ANGPT1: variants seen among roughly 807,000 people sequenced by gnomAD.
ANGPT1 encodes the protein angiopoietin 1, also known as angiopoietin-1.
Under a neutral mutation model 62.2 loss-of-function variants are expected in ANGPT1, and 17 were observed. The observed-to-expected ratio is 0.27, with a 90% CI of 0.19 to 0.41. ANGPT1 has a LOEUF of 0.41. ANGPT1 is among the 10% of genes least tolerant of loss of function. ANGPT1 has a pLI of 1.00. For missense variants in ANGPT1, 478 were observed against 594.9 expected (o/e 0.80, Z 2.04); for synonymous variants, 199 against 198.9 (o/e 1.00, Z 0.00).
At chr8:107,276,548 C>G (rs1339838673) in intron 7 of ANGPT1, among the ~76,000 whole-genome samples, 1 of 151,800 alleles carries the variant, frequency 6.6e-6, no homozygotes, top group African/African-American at 2.4e-5. Flanking sequence ...ACATGGGAGG[C>G]TCGAGAGAAT....
chr8:107,326,579 G>C (rs564780173), intron 3 of ANGPT1, among the ~76,000 whole-genome samples: 2 of 151,974 alleles, frequency 1.3e-5, no homozygotes, highest in Non-Finnish European at 2.9e-5. Flanking sequence ...TTATTGGCTA[G>C]TATCTACTTT....
Position 107,497,255 on chromosome 8 carries a change from C to T in ANGPT1, c.297+7G>A. 6.2e-7 allele frequency: 1 copy of T among 1,612,454 alleles called. No homozygotes were observed. Among genetic ancestry groups the T allele is most frequent in the Non-Finnish European group, 8.5e-7 (1 of 1,178,924 alleles). ...CGTGCTATTAGAAACTGAAAGCAAT[C>T]ACTTACTTTTTGCAGCCACTGAGTA... On this transcript the variant is annotated splice_region_variant and intron_variant, in intron 1 of 8. Transcript: ENST00000517746.
intron 1 of ANGPT1, among the ~76,000 whole-genome samples, chr8:107,482,599 A>G (rs965667687): frequency 5.9e-5 from 9 of 151,936 alleles, no homozygotes; most frequent in African/African-American, 2.2e-4. Flanking sequence ...GGGGAGGGGA[A>G]CTCTTCATGA....
chr8:107,497,635 T>C lies in ANGPT1; in HGVS notation c.-77A>G, dbSNP rs192837475. 67 of 1,440,290 alleles carry C rather than the reference T, an allele frequency of 4.7e-5. No individual in the cohort carries two copies. The East Asian group carries it at 1.6e-3, about 34-fold the overall frequency. 89.2% of individuals were successfully genotyped at this position (1,440,290 alleles called of 1,614,324 possible). On this transcript the variant is annotated 5_prime_UTR_variant, in exon 1 of 9. Coordinates refer to ENST00000517746, the MANE Select transcript of ANGPT1 (RefSeq NM_001146.5). ...TCTGACCTCTAAAACTAGTTCTTTA[T>C]TTCAGGTAAAACTGCTTGTTTGTTT...
At chr8:107,486,058 C>T (rs972379713) in intron 1 of ANGPT1, among the ~76,000 whole-genome samples, 3 of 152,144 alleles carry the variant, frequency 2.0e-5, no homozygotes, top group African/African-American at 7.2e-5. Flanking sequence ...ACAGTGCCAC[C>T]GTCAATTTAA....
chr8:107,486,509 A>G (rs1479626918), intron 1 of ANGPT1, among the ~76,000 whole-genome samples: 1 of 152,200 alleles, frequency 6.6e-6, no homozygotes, highest in East Asian at 1.9e-4. Context: ...CTCAATATTT[A>G]ACTAACACTG....
At chr8:107,454,398 C>T (rs1811860939) in intron 1 of ANGPT1, among the ~76,000 whole-genome samples, 1 of 152,044 alleles carries the variant, frequency 6.6e-6, no homozygotes, top group Non-Finnish European at 1.5e-5. Flanking sequence ...AAATACAAAT[C>T]AGTTCTCAAA....
intron 6 of ANGPT1, among the ~76,000 whole-genome samples, chr8:107,293,366 CTG>C (rs910641486): frequency 6.6e-6 from 1 of 152,172 alleles, no homozygotes; most frequent in African/African-American, 2.4e-5. Context: ...GGAAGTAACA[CTG>C]TTTCATTTCT....
intron 8 of ANGPT1, among the ~76,000 whole-genome samples, chr8:107,254,472 C>CTT (rs1423734714): frequency 1.3e-5 from 2 of 151,750 alleles, no homozygotes; most frequent in African/African-American, 4.8e-5. Context: ...AACGCAATTA[C>CTT]TTTTGCACCA....
At chr8:107,441,467 T>A (rs1425227822) in intron 1 of ANGPT1, among the ~76,000 whole-genome samples, 1 of 152,142 alleles carries the variant, frequency 6.6e-6, no homozygotes, top group Non-Finnish European at 1.5e-5. Context: ...CTCTACTGGA[T>A]TTTCTCCACA....
intron 1 of ANGPT1, among the ~76,000 whole-genome samples, chr8:107,473,530 A>C (rs932830781): frequency 6.6e-6 from 1 of 152,094 alleles, no homozygotes; most frequent in Non-Finnish European, 1.5e-5. Flanking sequence ...CCTCTCAGAC[A>C]GACTCTTAGT....
chr8:107,340,627 G>A (rs1815673915), intron 2 of ANGPT1, among the ~76,000 whole-genome samples: 1 of 151,814 alleles, frequency 6.6e-6, no homozygotes, highest in Admixed American at 6.6e-5. Flanking sequence ...CAGCCTCTTG[G>A]GCTCCGGTGA....
chr8:107,251,866 A>C lies in ANGPT1; in HGVS notation c.1486T>G (p.Leu496Val). 1 of 1,613,820 alleles carries C rather than the reference A, an allele frequency of 6.2e-7. No homozygotes were observed. The highest frequency in any genetic ancestry group is 8.5e-7 in the Non-Finnish European group (1 of 1,179,800). The stretch of plus-strand genomic sequence containing the variant: ...CTGACATTGCGCTTTCAAAAATCTA[A>C]AGGTCGAATCATCATAGTTGTGGAA... ...LRSTTMMIRPLDF is the reference protein window; with the variant it reads ...LRSTTMMIRPVDF The change falls in exon 9 of 9, where the codon TTA becomes GTA. Residue 496 changes from leucine (L) to valine (V), a missense_variant. Physicochemically the swap from Leu to Val is conservative, Grantham distance 32. Coordinates refer to ENST00000517746, the MANE Select transcript of ANGPT1 (RefSeq NM_001146.5).
chr8:107,350,687 A>C (rs766777908), intron 1 of ANGPT1, among the ~76,000 whole-genome samples: 7 of 152,138 alleles, frequency 4.6e-5, no homozygotes, highest in African/African-American at 9.6e-5. Context: ...AGTAGCATGA[A>C]TATAGCTCTA....
chr8:107,481,050 T>C (rs116580667), intron 1 of ANGPT1, among the ~76,000 whole-genome samples: 176 of 152,276 alleles, frequency 1.2e-3, no homozygotes, highest in African/African-American at 4.0e-3. Flanking sequence ...TTGAGAAAGT[T>C]TGCCAATGCT....
At chr8:107,403,807 G>A (rs1817093147) in intron 1 of ANGPT1, among the ~76,000 whole-genome samples, 1 of 152,002 alleles carries the variant, frequency 6.6e-6, no homozygotes, top group Non-Finnish European at 1.5e-5. Flanking sequence ...ATGTTCCTTG[G>A]CTCTGCTTGA....
chr8:107,254,955 A>C (rs1422069716), intron 8 of ANGPT1, among the ~76,000 whole-genome samples: 1 of 152,098 alleles, frequency 6.6e-6, no homozygotes, highest in Admixed American at 6.6e-5. Flanking sequence ...CGATCTTCCA[A>C]AGCCATCCTG....
chr8:107,407,317 C>G (rs1817169810), intron 1 of ANGPT1, among the ~76,000 whole-genome samples: 1 of 150,354 alleles, frequency 6.7e-6, no homozygotes, highest in African/African-American at 2.5e-5. Context: ...TGATAGAATA[C>G]CAAAATGCAT....
chr8:107,441,388 C>G (rs1811471014), intron 1 of ANGPT1, among the ~76,000 whole-genome samples: 1 of 152,158 alleles, frequency 6.6e-6, no homozygotes, highest in Non-Finnish European at 1.5e-5. Flanking sequence ...TCGAAGAAAG[C>G]TACCAGGTTC....
Sources: gnomAD v4.1 joint callset for allele counts (sites outside exome capture counted in the v4.1 genomes callset) on GRCh38, gnomAD v4.1.1 for gene constraint, MANE v1.5 for transcripts, NCBI Gene and HGNC (gene_info 2026-07-23, HGNC 2026-07-21) for gene names.